Variants in BDKRB2 observed in about 807,000 individuals in gnomAD.
BDKRB2 encodes bradykinin receptor B2, also known as B2 bradykinin receptor.
BDKRB2 carries 6 observed loss-of-function variants against 4.0 expected under a neutral mutation model. That is an observed-to-expected ratio of 1.49 (90% CI 0.81 to 2.93). The LOEUF (loss-of-function observed/expected upper bound fraction) is 2.93, where lower values mean the gene tolerates loss of function less well. Among genes scored for constraint, BDKRB2 ranks in the 30% most tolerant of loss-of-function variants. The pLI is 0.00. For missense variants in BDKRB2, 478 were observed against 520.1 expected (o/e 0.92, Z 0.79); for synonymous variants, 225 against 215.3 (o/e 1.05, Z -0.40).
At chr14:96,225,772 TTC>T (rs1890682030) in intron 1 of BDKRB2, among the ~76,000 whole-genome samples, 1 of 152,038 alleles carries the variant, frequency 6.6e-6, no homozygotes, top group Admixed American at 6.6e-5. Flanking sequence ...CCAGTTAGGG[TTC>T]TCTGTTTACT....
rs561557155 is a variant in BDKRB2, at chr14:96,238,745, C to G, written c.74+1564C>G. ...TCCCGTCAAAATGCTTCTTATCCTT[C>G]AAGACCCAGCTCTAGAGTCACCTCC... On this transcript the variant is annotated intron_variant, in intron 2 of 2. Transcript: ENST00000554311. 141 of 985,574 alleles carry G rather than the reference C, an allele frequency of 1.4e-4. No individual in the cohort carries two copies. The South Asian group carries it at 5.7e-3, about 40-fold the overall frequency. 61.1% of individuals were successfully genotyped at this position (985,574 alleles called of 1,614,324 possible).
At chr14:96,224,570 C>A (rs1190550466) in intron 1 of BDKRB2, among the ~76,000 whole-genome samples, 7 of 152,196 alleles carry the variant, frequency 4.6e-5, no homozygotes, top group Non-Finnish European at 5.9e-5. Flanking sequence ...GGTTAAGTCA[C>A]CTGCCCTAGG....
At chr14:96,217,247 T>C (rs895723832) in intron 1 of BDKRB2, among the ~76,000 whole-genome samples, 9 of 152,228 alleles carry the variant, frequency 5.9e-5, no homozygotes, top group Non-Finnish European at 1.0e-4. Flanking sequence ...TGTGTCTCTG[T>C]GCATGCATGT....
chr14:96,206,759 G>A (rs547634922), intron 1 of BDKRB2, among the ~76,000 whole-genome samples: 1 of 152,112 alleles, frequency 6.6e-6, no homozygotes, highest in African/African-American at 2.4e-5. Flanking sequence ...GGGCGCGGTG[G>A]GGGGAGCCCT....
chr14:96,209,644 G>A (rs989861969), intron 1 of BDKRB2, among the ~76,000 whole-genome samples: 1 of 152,152 alleles, frequency 6.6e-6, no homozygotes, highest in Non-Finnish European at 1.5e-5. Context: ...GCAGGTGGAG[G>A]AATCATCAAT....
intron 1 of BDKRB2, among the ~76,000 whole-genome samples, chr14:96,225,631 C>T (rs1369647061): frequency 6.6e-6 from 1 of 152,142 alleles, no homozygotes; most frequent in Non-Finnish European, 1.5e-5. Context: ...AGCCCTTAGA[C>T]CCCAGATACT....
rs773315270 is a variant in BDKRB2, at chr14:96,240,687, A to G, written c.359A>G (p.Asn120Ser). The G allele has an allele frequency of 6.3e-7, 1 of 1,597,842 alleles. No individual in the cohort carries two copies. Among genetic ancestry groups the G allele is most frequent in the South Asian group, 1.1e-5 (1 of 87,514 alleles). Residue 120 changes from asparagine (N) to serine (S), a missense_variant, in exon 3 of 3, where the codon AAC becomes AGC. Coordinates refer to ENST00000554311, the MANE Select transcript of BDKRB2 (RefSeq NM_001379692.1). ...LPFWAITISN[N>S]FDWLFGETLC... Reference sequence around the variant, plus strand: ...TTCTGGGCCATCACCATCTCCAACAACTTCGACTGGCTCTTTGGGGAGACG... The same window carrying G: ...TTCTGGGCCATCACCATCTCCAACAGCTTCGACTGGCTCTTTGGGGAGACG...
chr14:96,229,132 A>T (rs999558114), intron 1 of BDKRB2, among the ~76,000 whole-genome samples: 1 of 152,230 alleles, frequency 6.6e-6, no homozygotes, highest in Non-Finnish European at 1.5e-5. Flanking sequence ...GTCAACGACC[A>T]TTTATTAAAC....
chr14:96,208,275 G>A (rs888134072), intron 1 of BDKRB2, among the ~76,000 whole-genome samples: 2 of 152,158 alleles, frequency 1.3e-5, no homozygotes, highest in Admixed American at 6.5e-5. Flanking sequence ...TAGAACAAAC[G>A]TAAGGCATGA....
At position 96,243,248 on chromosome 14, in the gene BDKRB2, C is replaced by G. The variant is rs563771057; in HGVS notation, c.*1744C>G. The G allele has an allele frequency of 8.4e-6, 1 of 118,348 alleles. No homozygotes were observed. The highest frequency in any genetic ancestry group is 2.7e-4 in the South Asian group (1 of 3,666). 7.3% of individuals were successfully genotyped at this position (118,348 alleles called of 1,614,324 possible). A position where few individuals can be genotyped will look rare whatever the true frequency, so the allele number is the denominator to read the frequency against. On this transcript the variant is annotated 3_prime_UTR_variant, in exon 3 of 3. Coordinates refer to ENST00000554311, the MANE Select transcript of BDKRB2 (RefSeq NM_001379692.1). The stretch of plus-strand genomic sequence containing the variant: ...AGGGCTAGAACCTGGAGAGCTAGAA[C>G]CTAGAAGGGCTAGAACCTGGAGGGC...
intron 1 of BDKRB2, among the ~76,000 whole-genome samples, chr14:96,230,711 G>A (rs148802208): frequency 3.3e-3 from 502 of 151,186 alleles, no homozygotes; most frequent in African/African-American, 0.011. Flanking sequence ...TCTGCCTCCC[G>A]GTTCAAGCGA....
intron 1 of BDKRB2, among the ~76,000 whole-genome samples, chr14:96,229,162 C>T (rs993314996): frequency 1.3e-5 from 2 of 152,156 alleles, no homozygotes; most frequent in African/African-American, 4.8e-5. Flanking sequence ...GTGTCAGGCA[C>T]TTGACAGAGA....
intron 1 of BDKRB2, among the ~76,000 whole-genome samples, chr14:96,231,239 C>T (rs537199540): frequency 2.6e-4 from 40 of 152,194 alleles, no homozygotes; most frequent in Non-Finnish European, 5.3e-4. Context: ...GTTTCCAGAA[C>T]ATTCCAGGCC....
chr14:96,225,169 T>C (rs1408733671), intron 1 of BDKRB2, among the ~76,000 whole-genome samples: 1 of 152,034 alleles, frequency 6.6e-6, no homozygotes, highest in East Asian at 1.9e-4. Flanking sequence ...GTTCACTGCA[T>C]CCCCCTCTTT....
At chr14:96,226,035 T>A (rs1184530298) in intron 1 of BDKRB2, among the ~76,000 whole-genome samples, 2 of 152,200 alleles carry the variant, frequency 1.3e-5, no homozygotes, top group African/African-American at 4.8e-5. Context: ...CCTGAGCTGT[T>A]CCTTAGGAAT....
intron 2 of BDKRB2, chr14:96,237,598 A>T (rs978716752): frequency 2.5e-6 from 3 of 1,196,284 alleles, no homozygotes; most frequent in Non-Finnish European, 3.2e-6. Flanking sequence ...ATTTAAGGGG[A>T]GGGGGAGGAG....
chr14:96,229,266 C>T (rs1890765294), intron 1 of BDKRB2, among the ~76,000 whole-genome samples: 1 of 152,066 alleles, frequency 6.6e-6, no homozygotes. Flanking sequence ...GAACCTTCTG[C>T]TTGCAGGGGG....
chr14:96,229,716 G>A (rs563380214), intron 1 of BDKRB2, among the ~76,000 whole-genome samples: 6 of 152,256 alleles, frequency 3.9e-5, no homozygotes, highest in East Asian at 1.9e-4. Flanking sequence ...CAGGGCACCC[G>A]GGCAGGGGGC....
intron 1 of BDKRB2, among the ~76,000 whole-genome samples, chr14:96,208,349 T>C (rs997715638): frequency 2.3e-4 from 35 of 152,228 alleles, no homozygotes; most frequent in African/African-American, 8.4e-4. Context: ...GAAACATATG[T>C]GCCTCCCCCT....
Sources: allele counts gnomAD v4.1 joint callset (sites outside exome capture counted in the v4.1 genomes callset), GRCh38; gene constraint gnomAD v4.1.1; transcripts MANE v1.5; gene names NCBI Gene and HGNC (gene_info 2026-07-23, HGNC 2026-07-21).